The following KLF9 variants were observed in gnomAD, a reference collection of about 807,000 sequenced individuals.
KLF9 encodes KLF transcription factor 9, also known as Krueppel-like factor 9.
Under a neutral mutation model 17.3 loss-of-function variants are expected in KLF9, and 2 were observed. The observed-to-expected ratio is 0.12, with a 90% confidence interval of 0.05 to 0.36. KLF9 has a LOEUF of 0.36. Among genes scored for constraint, KLF9 ranks in the 10% least tolerant of loss-of-function variants. The probability of loss-of-function intolerance (pLI) is 1.00; values close to 1 mark genes in which losing one functional copy is unlikely to be tolerated. For missense variants in KLF9, 226 were observed against 333.2 expected, an observed-to-expected ratio of 0.68 and a Z score of 2.51; for synonymous variants, 138 against 139.2, an observed-to-expected ratio of 0.99 and a Z score of 0.06.
chr9:70,397,943 G>A (rs539532312), intron 1 of KLF9, among the ~76,000 whole-genome samples: 7 of 152,138 alleles, frequency 4.6e-5, no homozygotes, highest in Non-Finnish European at 8.8e-5. Flanking sequence ...TACGGAAGAG[G>A]TGTGCAGGCC....
At chr9:70,395,792 A>T (rs901989446) in intron 1 of KLF9, among the ~76,000 whole-genome samples, 8 of 152,070 alleles carry the variant, frequency 5.3e-5, no homozygotes, top group African/African-American at 1.7e-4. Context: ...AAAAATGCAA[A>T]TATTATCCAG....
At chr9:70,412,139 T>A (rs13299054) in intron 1 of KLF9, among the ~76,000 whole-genome samples, 50,201 of 132,672 alleles carry the variant, frequency 0.38, 9,850 homozygotes, top group Middle Eastern at 0.54. Context: ...CACACCTCCC[T>A]GCAAACCGCG....
chr9:70,397,904 C>T (rs996191695), intron 1 of KLF9, among the ~76,000 whole-genome samples: 2 of 152,146 alleles, frequency 1.3e-5, no homozygotes, highest in Non-Finnish European at 2.9e-5. Flanking sequence ...TTCTCCATTA[C>T]CCTCATGTGC....
chr9:70,409,513 C>T (rs777623219), intron 1 of KLF9, among the ~76,000 whole-genome samples: 4 of 151,930 alleles, frequency 2.6e-5, no homozygotes, highest in African/African-American at 4.8e-5. Flanking sequence ...ATAACACTGC[C>T]TTTACCACCC....
At chr9:70,412,186 C>CAAAAAA (rs10644898) in intron 1 of KLF9, among the ~76,000 whole-genome samples, 3 of 47,122 alleles carry the variant, frequency 6.4e-5, no homozygotes, top group Non-Finnish European at 1.1e-4. Flanking sequence ...GTCACATGGC[C>CAAAAAA]AAAAAAAAAA....
intron 1 of KLF9, among the ~76,000 whole-genome samples, chr9:70,390,893 A>C (rs1197697302): frequency 2.0e-5 from 3 of 152,180 alleles, no homozygotes; most frequent in Admixed American, 6.5e-5. Flanking sequence ...CCAAACCAAA[A>C]CAAAACGCCC....
intron 1 of KLF9, among the ~76,000 whole-genome samples, chr9:70,407,059 T>C (rs567236805): frequency 1.3e-5 from 2 of 152,254 alleles, no homozygotes; most frequent in Non-Finnish European, 2.9e-5. Flanking sequence ...CAGATTGTTT[T>C]AGGGGCTTCT....
At chr9:70,406,365 AG>A in intron 1 of KLF9, among the ~76,000 whole-genome samples, 1 of 152,314 alleles carries the variant, frequency 6.6e-6, no homozygotes, top group South Asian at 2.1e-4. Flanking sequence ...AAGCCCTTCA[AG>A]TCCCCCCAAA....
chr9:70,397,965 CAG>C (rs916883774), intron 1 of KLF9, among the ~76,000 whole-genome samples: 15 of 152,172 alleles, frequency 9.9e-5, no homozygotes, highest in African/African-American at 3.1e-4. Flanking sequence ...TTCCTGGGTA[CAG>C]AGAAGTCCAC....
At chr9:70,400,564 A>G (rs2037214267) in intron 1 of KLF9, among the ~76,000 whole-genome samples, 1 of 152,198 alleles carries the variant, frequency 6.6e-6, no homozygotes, top group South Asian at 2.1e-4. Flanking sequence ...ATGCCAAGAA[A>G]AAGATTGTCC....
At chr9:70,397,264 G>A (rs1029810315) in intron 1 of KLF9, among the ~76,000 whole-genome samples, 12 of 151,980 alleles carry the variant, frequency 7.9e-5, no homozygotes, top group Non-Finnish European at 1.0e-4. Flanking sequence ...CGCTTGAGGT[G>A]AGGAGGTTGA....
At position 70,409,060 on chromosome 9, in the gene KLF9, G is replaced by GTA. The variant is rs1167458714; in HGVS notation, c.505+3797_505+3798dup. Among the ~76,000 whole-genome samples the GTA allele has an allele frequency of 2.2e-3, 168 of 77,858 alleles. 1 individual carries two copies. The highest frequency in any genetic ancestry group is 4.0e-3 in the Admixed American group (24 of 6,018). 51.1% of individuals were successfully genotyped at this position (77,858 alleles called of 152,430 possible). On this transcript the variant is annotated intron_variant, in intron 1 of 1. Transcript: ENST00000377126. ...TGTGTATATATATATACATATATGT[G>GTA]TATATATATGTGTATATATATACAC...
At position 70,414,115 on chromosome 9, in the gene KLF9, T is replaced by C. The variant is rs1564091173; in HGVS notation, c.-752A>G. 1 of 152,278 alleles carries C rather than the reference T, an allele frequency of 6.6e-6. No individual in the cohort carries two copies. The highest frequency in any genetic ancestry group is 1.5e-5 in the Non-Finnish European group (1 of 68,086). The allele number at this position is 152,278 out of a possible 1,614,324, so 9.4% of individuals were successfully genotyped here. The stretch of plus-strand genomic sequence containing the variant: ...TGAGGCGTGCGGCCAATCCGACTGT[T>C]CCGTTTCGCTGCCTCGTGCTACCCC... On this transcript the variant is annotated 5_prime_UTR_variant, in exon 1 of 2. Coordinates refer to ENST00000377126, the MANE Select transcript of KLF9 (RefSeq NM_001206.4).
chr9:70,406,577 G>A (rs182224074), intron 1 of KLF9, among the ~76,000 whole-genome samples: 8 of 152,308 alleles, frequency 5.3e-5, no homozygotes, highest in Admixed American at 1.3e-4. Context: ...GTGGGGCGGA[G>A]AAAGAGAGCC....
chr9:70,407,256 G>A (rs888558961), intron 1 of KLF9, among the ~76,000 whole-genome samples: 3 of 152,170 alleles, frequency 2.0e-5, no homozygotes, highest in South Asian at 2.1e-4. Flanking sequence ...ATTGAGACAG[G>A]AATGTAAATC....
chr9:70,411,971 TG>T (rs2037317637), intron 1 of KLF9, among the ~76,000 whole-genome samples: 1 of 152,170 alleles, frequency 6.6e-6, no homozygotes, highest in African/African-American at 2.4e-5. Flanking sequence ...CCCAGGTCCC[TG>T]GAAGTCTCCA....
chr9:70,409,113 T>TATATGTATATATATGTGTATATATAC (rs1564089273), intron 1 of KLF9, among the ~76,000 whole-genome samples: 1 of 90,744 alleles, frequency 1.1e-5, no homozygotes, highest in African/African-American at 3.4e-5. Flanking sequence ...TGTATATATA[T>TATATGTATATATATGTGTATATATAC]ACATATATGT....
At chr9:70,389,936 A>T (rs2037141544) in intron 1 of KLF9, among the ~76,000 whole-genome samples, 1 of 151,714 alleles carries the variant, frequency 6.6e-6, no homozygotes, top group African/African-American at 2.4e-5. Flanking sequence ...ATATTTTCTC[A>T]CTCCTGTCCC....
chr9:70,412,475 G>T (rs1048875729), intron 1 of KLF9, among the ~76,000 whole-genome samples: 16 of 152,002 alleles, frequency 1.1e-4, no homozygotes, highest in Admixed American at 5.9e-4. Flanking sequence ...CCCGACAAGA[G>T]AATTAAATAA....
Sources: allele counts gnomAD v4.1 joint callset (sites outside exome capture counted in the v4.1 genomes callset), GRCh38; gene constraint gnomAD v4.1.1; transcripts MANE v1.5; gene names NCBI Gene and HGNC (gene_info 2026-07-23, HGNC 2026-07-21).